TRPM1: variants seen among roughly 807,000 people sequenced by gnomAD.
TRPM1 encodes the protein transient receptor potential cation channel subfamily M member 1.
A neutral mutation model predicts 149.4 loss-of-function variants in TRPM1; 113 were observed. The observed-to-expected ratio is 0.76, with a 90% confidence interval of 0.65 to 0.88. TRPM1 has a LOEUF of 0.88. Ranked by LOEUF, TRPM1 falls within the 40% of genes least tolerant of loss-of-function variation. TRPM1 has a pLI of 0.00. For missense variants in TRPM1, 1,976 were observed against 2,038.7 expected (o/e 0.97, Z 0.59); for synonymous variants, 741 against 759.5 (o/e 0.98, Z 0.40).
At position 31,049,423 on chromosome 15, in the gene TRPM1, G is replaced by C; in HGVS notation, c.1524C>G (p.Asn508Lys). ...TCGGAATGGTCAGAAAGTGTTGCAT[G>C]TTCACTCCGTTTTCAATCAGGAGCT... ...FVKLLIENGV[N>K]MQHFLTIPRL... Residue 508 changes from asparagine to lysine, a missense_variant, in exon 13 of 28, where the codon AAC becomes AAG. Transcript: ENST00000256552. The C allele has an allele frequency of 6.2e-7, 1 of 1,614,206 alleles. No homozygotes were observed. The highest frequency in any genetic ancestry group is 8.5e-7 in the Non-Finnish European group (1 of 1,180,042).
At chr15:31,050,228 C>T (rs559407141) in intron 12 of TRPM1, among the ~76,000 whole-genome samples, 181 bp downstream of exon 12, 2 of 152,246 alleles carry the variant, frequency 1.3e-5, no homozygotes, top group Admixed American at 6.5e-5. Flanking sequence ...TTTGGACAAC[C>T]GACAGGCTCA....
At chr15:31,093,714 G>C (rs1388764457) in intron 1 of TRPM1, among the ~76,000 whole-genome samples, 1 of 151,844 alleles carries the variant, frequency 6.6e-6, no homozygotes, top group East Asian at 1.9e-4. Context: ...TGATTCTTGT[G>C]CCTCAGCCTC....
At chr15:31,085,942 G>A (rs2034989266) in intron 1 of TRPM1, among the ~76,000 whole-genome samples, 1 of 152,174 alleles carries the variant, frequency 6.6e-6, no homozygotes, top group Non-Finnish European at 1.5e-5. Context: ...CCCAGGCCCA[G>A]ACTGATGGGT....
intron 1 of TRPM1, among the ~76,000 whole-genome samples, chr15:31,090,501 G>T (rs749205514): frequency 6.6e-6 from 1 of 152,074 alleles, no homozygotes; most frequent in African/African-American, 2.4e-5. Flanking sequence ...GCCAGGTGTG[G>T]TGGTGGGCAC....
At chr15:31,095,251 G>C (rs765422152) in intron 1 of TRPM1, among the ~76,000 whole-genome samples, 12 of 152,250 alleles carry the variant, frequency 7.9e-5, no homozygotes, top group Admixed American at 2.0e-4. Context: ...TTAATGGGTA[G>C]GGGGTTTTAC....
intron 27 of TRPM1, among the ~76,000 whole-genome samples, chr15:31,005,492 A>G (rs1486860932): frequency 1.3e-5 from 2 of 151,696 alleles, no homozygotes; most frequent in Non-Finnish European, 2.9e-5. Context: ...TGAATCAGTT[A>G]CCAAGCTCCT....
exon 1 of TRPM1, chr15:31,161,082 C>T (rs778291800): frequency 5.0e-5 from 49 of 986,078 alleles, no homozygotes; most frequent in East Asian, 2.1e-4. Flanking sequence ...GCCCCACACT[C>T]GGCGGCAGCC....
chr15:31,011,740 C>T (rs541815543), intron 27 of TRPM1, among the ~76,000 whole-genome samples: 2 of 151,408 alleles, frequency 1.3e-5, no homozygotes, highest in South Asian at 4.2e-4. Context: ...TCTCAGCTCA[C>T]TGCAACCTCT....
intron 1 of TRPM1, among the ~76,000 whole-genome samples, chr15:31,150,926 T>C (rs765045702): frequency 1.3e-5 from 2 of 152,040 alleles, no homozygotes; most frequent in African/African-American, 4.8e-5. Flanking sequence ...ATATGGAGTA[T>C]CTCAAGCCAA....
chr15:31,146,533 C>A (rs1308176208), intron 1 of TRPM1, among the ~76,000 whole-genome samples: 2 of 152,170 alleles, frequency 1.3e-5, no homozygotes, highest in Non-Finnish European at 2.9e-5. Flanking sequence ...AGATAACAGC[C>A]TAATTTACCA....
chr15:31,038,585 G>A (rs1596006726), intron 18 of TRPM1, among the ~76,000 whole-genome samples: 4 of 152,132 alleles, frequency 2.6e-5, no homozygotes, highest in African/African-American at 9.7e-5. Flanking sequence ...GGTGGTGCAC[G>A]TCTGTAATAC....
At chr15:31,062,178 T>C (rs1242420380) in intron 9 of TRPM1, among the ~76,000 whole-genome samples, 1 of 152,220 alleles carries the variant, frequency 6.6e-6, no homozygotes, top group Non-Finnish European at 1.5e-5. Context: ...AGAGGCCATC[T>C]TATGTGCACG....
chr15:31,144,168 A>C (rs1200633065), intron 1 of TRPM1, among the ~76,000 whole-genome samples: 1 of 152,298 alleles, frequency 6.6e-6, no homozygotes, highest in East Asian at 1.9e-4. Context: ...GGCCAGGTAC[A>C]GTGGTTCACA....
intron 3 of TRPM1, among the ~76,000 whole-genome samples, chr15:31,072,619 G>A (rs781495374): frequency 1.4e-4 from 21 of 152,130 alleles, no homozygotes; most frequent in Non-Finnish European, 2.8e-4. Context: ...CAAGGTGGCT[G>A]TATCATGGTA....
chr15:31,109,333 CAAAAAAAAAAAAAAA>C, intron 1 of TRPM1, among the ~76,000 whole-genome samples: 1 of 32,298 alleles, frequency 3.1e-5, no homozygotes, highest in South Asian at 2.3e-3. Context: ...GACTCTGCCT[CAAAAAAAAAAAAAAA>C]AAAAAAAAAA....
intron 27 of TRPM1, among the ~76,000 whole-genome samples, chr15:31,016,992 A>C (rs2059479): frequency 0.24 from 32,045 of 135,796 alleles, 3,570 homozygotes; most frequent in Non-Finnish European, 0.29. Flanking sequence ...CACACACAAA[A>C]AAAAAACTTG....
At chr15:31,158,971 C>G (rs1056221285) in intron 1 of TRPM1, among the ~76,000 whole-genome samples, 1 of 152,046 alleles carries the variant, frequency 6.6e-6, no homozygotes, top group African/African-American at 2.4e-5. Context: ...CGAGGAATGC[C>G]TAACTTTCTG....
At position 31,070,107 on chromosome 15, in the gene TRPM1, T is replaced by C. The variant is rs779914113; in HGVS notation, c.203A>G (p.Lys68Arg). ...ETQPEKWSVAKHTQSYPTDSY... is the reference protein window; with the variant it reads ...ETQPEKWSVARHTQSYPTDSY... Reference sequence around the variant, plus strand: ...ATCTGTTGGGTAGCTCTGGGTGTGCTTGGCAACAGACCATTTCTCAGGCTG... The same window carrying C: ...ATCTGTTGGGTAGCTCTGGGTGTGCCTGGCAACAGACCATTTCTCAGGCTG... The change falls in exon 4 of 28, where the codon AAG becomes AGG. Residue 68 changes from lysine (K) to arginine (R), a missense_variant. Coordinates refer to ENST00000256552, the MANE Select transcript of TRPM1 (RefSeq NM_001252024.2). 1 of 1,614,194 alleles carries C rather than the reference T, an allele frequency of 6.2e-7. No homozygotes were observed. Among genetic ancestry groups the C allele is most frequent in the Non-Finnish European group, 8.5e-7 (1 of 1,180,038 alleles).
In TRPM1 at chr15:31,072,018, T is replaced by TAGAGAGAGAG. The variant is rs61039099; in HGVS notation, c.84-1802_84-1793dup. Among the ~76,000 whole-genome samples the TAGAGAGAGAG allele has an allele frequency of 1.7e-3, 64 of 36,868 alleles. 1 individual carries two copies. Among genetic ancestry groups the TAGAGAGAGAG allele is most frequent in the African/African-American group, 5.9e-3 (53 of 8,948 alleles). 24.2% of individuals were successfully genotyped at this position (36,868 alleles called of 152,430 possible). A position where few individuals can be genotyped will look rare whatever the true frequency, so the allele number is the denominator to read the frequency against. On this transcript the variant is annotated intron_variant, in intron 3 of 27. Transcript: ENST00000256552. ...ATATATATATATATATATATATATA[T>TAGAGAGAGAG]AGAGAGAGAGAGAGAGAGAGAGAGA... is the stretch of plus-strand genomic sequence containing the variant.
Sources: allele counts gnomAD v4.1 joint callset (sites outside exome capture counted in the v4.1 genomes callset), GRCh38; gene constraint gnomAD v4.1.1; transcripts MANE v1.5; gene names NCBI Gene and HGNC (gene_info 2026-07-23, HGNC 2026-07-21).